Variants in RASGRF2 observed in about 807,000 individuals in gnomAD.
RASGRF2 encodes the protein Ras protein specific guanine nucleotide releasing factor 2.
In RASGRF2, 76 loss-of-function variants were observed where a neutral mutation model predicts 151.0. The observed-to-expected ratio is 0.50, with a 90% CI of 0.42 to 0.61. RASGRF2 has a LOEUF of 0.61. RASGRF2 is among the 20% of genes least tolerant of loss of function. RASGRF2 has a pLI of 0.00. For missense variants in RASGRF2, 1,148 were observed against 1,564.6 expected, an observed-to-expected ratio of 0.73 and a Z score of 4.49; for synonymous variants, 504 against 566.5, an observed-to-expected ratio of 0.89 and a Z score of 1.57.
chr5:81,162,290 C>T (rs993150939), intron 17 of RASGRF2, among the ~76,000 whole-genome samples: 33 of 152,024 alleles, frequency 2.2e-4, no homozygotes, highest in African/African-American at 7.7e-4. Flanking sequence ...AGGCAGACTT[C>T]AGCCCTCTGG....
intron 12 of RASGRF2, among the ~76,000 whole-genome samples, chr5:81,099,405 A>G (rs1036854442): frequency 1.3e-5 from 2 of 151,934 alleles, no homozygotes; most frequent in African/African-American, 4.9e-5. Flanking sequence ...GCTGTTTCCA[A>G]GTTTGAGGAT....
intron 25 of RASGRF2, among the ~76,000 whole-genome samples, chr5:81,219,075 C>CT (rs201871275): frequency 0.034 from 4,502 of 130,544 alleles, 203 homozygotes; most frequent in African/African-American, 0.11. Flanking sequence ...CAGCCAGGTT[C>CT]TTTTTTTTTT....
chr5:81,029,546 T>G (rs982565657), intron 1 of RASGRF2, among the ~76,000 whole-genome samples: 2 of 151,982 alleles, frequency 1.3e-5, no homozygotes, highest in Non-Finnish European at 2.9e-5. Flanking sequence ...GGGTCTGGAG[T>G]GAACCTCCAG....
intron 12 of RASGRF2, among the ~76,000 whole-genome samples, chr5:81,101,321 A>G (rs1313137863): frequency 3.3e-5 from 5 of 152,164 alleles, no homozygotes; most frequent in South Asian, 4.1e-4. Flanking sequence ...GTTCATGTAC[A>G]CACTCACATA....
chr5:81,003,367 T>C (rs182392188), intron 1 of RASGRF2, among the ~76,000 whole-genome samples: 1,948 of 152,096 alleles, frequency 0.013, 25 homozygotes, highest in Middle Eastern at 0.044. Context: ...GGACTACAGG[T>C]GCCCACCACC....
At chr5:80,978,711 C>T (rs1019541062) in intron 1 of RASGRF2, among the ~76,000 whole-genome samples, 5 of 151,934 alleles carry the variant, frequency 3.3e-5, no homozygotes, top group Non-Finnish European at 7.4e-5. Context: ...CACGTGAACC[C>T]AGGAGGCGGA....
In RASGRF2 at chr5:81,070,683, G is replaced by A. The variant is rs549534059; in HGVS notation, c.633+102G>A. On this transcript the variant is annotated intron_variant, in intron 4 of 26. Transcript: ENST00000265080. ...TGTGCGTGAGCCGGGAGCAGCCTTG[G>A]TGTTTCTGGGCTATGGCTCCCAGAC... The A allele has an allele frequency of 1.6e-3, 1,552 of 961,860 alleles. 4 individuals carry two copies. The highest frequency in any genetic ancestry group is 8.2e-3 in the Middle Eastern group (37 of 4,486). 59.6% of individuals were successfully genotyped at this position (961,860 alleles called of 1,614,324 possible).
At position 81,226,201 on chromosome 5, in the gene RASGRF2, A is replaced by C. The variant is rs577914533; in HGVS notation, c.*431A>C. 6.5e-6 allele frequency: 1 copy of C among 155,018 alleles called. No homozygotes were observed. The highest frequency in any genetic ancestry group is 2.4e-5 in the African/African-American group (1 of 41,622). 9.6% of individuals were successfully genotyped at this position (155,018 alleles called of 1,614,324 possible). On this transcript the variant is annotated 3_prime_UTR_variant, in exon 27 of 27. Transcript: ENST00000265080. Reference sequence around the variant, plus strand: ...AATCTTCTAGGATTTGACTGGTTCCATTACATTTCCTTTTGGTATAAGCTT... The same window carrying C: ...AATCTTCTAGGATTTGACTGGTTCCCTTACATTTCCTTTTGGTATAAGCTT...
intron 17 of RASGRF2, among the ~76,000 whole-genome samples, chr5:81,153,327 T>C (rs1431456688): frequency 1.3e-5 from 2 of 152,162 alleles, no homozygotes; most frequent in Non-Finnish European, 2.9e-5. Context: ...TTCAGGCAGG[T>C]CCAATATACT....
intron 9 of RASGRF2, among the ~76,000 whole-genome samples, chr5:81,091,411 G>A (rs13174016): frequency 6.6e-6 from 1 of 152,046 alleles, no homozygotes; most frequent in Middle Eastern, 3.4e-3. Context: ...CCGTCTCCTG[G>A]CCCATTGTTC....
At chr5:81,134,111 A>T (rs248979) in intron 17 of RASGRF2, among the ~76,000 whole-genome samples, 90,715 of 142,540 alleles carry the variant, frequency 0.64, 28,769 homozygotes, top group East Asian at 0.81. Flanking sequence ...TGTGTGTGTG[A>T]GTGAATATTT....
chr5:81,013,775 A>G (rs1484121232), intron 1 of RASGRF2, among the ~76,000 whole-genome samples: 1 of 152,128 alleles, frequency 6.6e-6, no homozygotes, highest in African/African-American at 2.4e-5. Flanking sequence ...AATAGATATT[A>G]TCAAATGACT....
intron 2 of RASGRF2, among the ~76,000 whole-genome samples, chr5:81,065,226 T>C (rs375503531): frequency 1.6e-4 from 24 of 152,340 alleles, no homozygotes; most frequent in African/African-American, 5.3e-4. Flanking sequence ...TATATGTTGA[T>C]TTAAGAGCCT....
At chr5:81,003,864 G>A (rs1749177912) in intron 1 of RASGRF2, among the ~76,000 whole-genome samples, 1 of 152,130 alleles carries the variant, frequency 6.6e-6, no homozygotes, top group Non-Finnish European at 1.5e-5. Flanking sequence ...TGTATGTTTT[G>A]CCCCAAACCA....
chr5:80,995,682 CTT>C (rs1561544063), intron 1 of RASGRF2, among the ~76,000 whole-genome samples: 1 of 89,338 alleles, frequency 1.1e-5, no homozygotes, highest in Admixed American at 1.5e-4. Flanking sequence ...CTTTCCTTTC[CTT>C]CCCCCCCCCT....
intron 18 of RASGRF2, among the ~76,000 whole-genome samples, chr5:81,187,289 A>T (rs1404806393): frequency 6.6e-6 from 1 of 152,232 alleles, no homozygotes; most frequent in Non-Finnish European, 1.5e-5. Context: ...ATGGCTAAAA[A>T]GCTGGAGTTT....
At position 81,097,749 on chromosome 5, in the gene RASGRF2, G is replaced by C. The variant is rs1284912602; in HGVS notation, c.1755+2757G>C. 5.9e-5 allele frequency among the ~76,000 whole-genome samples: 9 copies of C among 152,164 alleles called. No individual in the cohort carries two copies. The East Asian group carries it at 1.7e-3, about 29-fold the overall frequency. ...CATGTTTCAAGGAATACCATGAAAGGCAGTGTGGCTGGAGTAGGGTATGCG... is the reference window on the plus strand; with the variant it reads ...CATGTTTCAAGGAATACCATGAAAGCCAGTGTGGCTGGAGTAGGGTATGCG... On this transcript the variant is annotated intron_variant, in intron 12 of 26. Transcript: ENST00000265080.
At chr5:81,071,089 C>A (rs1751760581) in intron 4 of RASGRF2, among the ~76,000 whole-genome samples, 1 of 152,074 alleles carries the variant, frequency 6.6e-6, no homozygotes, top group South Asian at 2.1e-4. Flanking sequence ...ACAACTTTTG[C>A]AATGAACCAA....
At chr5:80,996,545 TCCTCCC>T (rs1748884336) in intron 1 of RASGRF2, among the ~76,000 whole-genome samples, 7 of 32,794 alleles carry the variant, frequency 2.1e-4, no homozygotes, top group Non-Finnish European at 3.4e-4. Context: ...CCCCTCCTCC[TCCTCCC>T]CCTCCTCCTC....
Sources: gnomAD v4.1 joint callset for allele counts (sites outside exome capture counted in the v4.1 genomes callset) on GRCh38, gnomAD v4.1.1 for gene constraint, MANE v1.5 for transcripts, NCBI Gene and HGNC (gene_info 2026-07-23, HGNC 2026-07-21) for gene names.